The following ROCK2 variants were observed in gnomAD, a reference collection of about 807,000 sequenced individuals.
ROCK2 encodes the protein Rho associated coiled-coil containing protein kinase 2, also known as rho-associated protein kinase 2.
A neutral mutation model predicts 195.1 loss-of-function variants in ROCK2; 61 were observed. The observed-to-expected ratio is 0.31, with a 90% CI of 0.25 to 0.39. The LOEUF is 0.39. ROCK2 is among the 10% of genes least tolerant of loss of function. The probability of loss-of-function intolerance (pLI) is 1.00; values close to 1 mark genes in which losing one functional copy is unlikely to be tolerated. For synonymous variants in ROCK2, 504 were observed against 545.5 expected, an observed-to-expected ratio of 0.92 and a Z score of 1.06; for missense variants, 1,109 against 1,637.4, an observed-to-expected ratio of 0.68 and a Z score of 5.57.
intron 4 of ROCK2, among the ~76,000 whole-genome samples, chr2:11,240,608 C>CAGAG (rs1275220638): frequency 6.6e-6 from 1 of 152,166 alleles, no homozygotes; most frequent in Non-Finnish European, 1.5e-5. Flanking sequence ...GCCTGGGGCT[C>CAGAG]AGAGGGTAAT....
chr2:11,202,036 T>C lies in ROCK2; in HGVS notation c.2619+16A>G, dbSNP rs746376959. ...ACTCTGTTTGCTATTTGCAAATTAA[T>C]GTGTCTTGAACTTACTGAGAAATAC... On this transcript the variant is annotated intron_variant, in intron 21 of 32. Transcript: ENST00000315872. 3.4e-5 allele frequency: 54 copies of C among 1,602,992 alleles called. No individual in the cohort carries two copies. The Admixed American group carries it at 3.7e-4, about 11-fold the overall frequency.
At chr2:11,240,050 T>A (rs1279536690) in intron 4 of ROCK2, among the ~76,000 whole-genome samples, 2 of 152,194 alleles carry the variant, frequency 1.3e-5, no homozygotes, top group South Asian at 4.1e-4. Flanking sequence ...AGAACATCAA[T>A]GTGTTCACCA....
Position 11,197,161 on chromosome 2 carries a change from G to T in ROCK2, c.3448+19C>A. 1 of 1,564,856 alleles carries T rather than the reference G, an allele frequency of 6.4e-7. No individual in the cohort carries two copies. Among genetic ancestry groups the T allele is most frequent in the Non-Finnish European group, 8.7e-7 (1 of 1,153,780 alleles). ...ATTTATATTTAAGATAAATATTAGT[G>T]CTGAAAACAAATCCATACCTGGAAA... On this transcript the variant is annotated intron_variant, in intron 27 of 32. Transcript: ENST00000315872. This position sits in a 1 kb window ranked among gnomAD's most constrained non-coding sequence, Gnocchi z 4.9.
At chr2:11,210,785 A>G (rs2148058755) in intron 18 of ROCK2, among the ~76,000 whole-genome samples, 1 of 152,342 alleles carries the variant, frequency 6.6e-6, no homozygotes, top group South Asian at 2.1e-4. Flanking sequence ...ACAAGGAAAT[A>G]TGGCCCAGTA....
At chr2:11,207,262 A>G (rs1006669336) in intron 20 of ROCK2, among the ~76,000 whole-genome samples, 1 of 152,190 alleles carries the variant, frequency 6.6e-6, no homozygotes, top group African/African-American at 2.4e-5. Flanking sequence ...TAATATTTTT[A>G]AAGTATTTTA....
intron 1 of ROCK2, among the ~76,000 whole-genome samples, chr2:11,310,435 C>A (rs1667996197): frequency 6.6e-6 from 1 of 152,096 alleles, no homozygotes; most frequent in Non-Finnish European, 1.5e-5. Context: ...AAAGATATTG[C>A]CACATTATTG....
In ROCK2 at chr2:11,257,007, CA is replaced by C. The variant is rs1416150676; in HGVS notation, c.325-7210del. Among the ~76,000 whole-genome samples, 3 of 151,388 alleles carry C rather than the reference CA, an allele frequency of 2.0e-5. 1 individual carries two copies. The highest frequency in any genetic ancestry group is 7.4e-5 in the African/African-American group (3 of 40,690). On this transcript the variant is annotated intron_variant, in intron 3 of 32. Coordinates refer to ENST00000315872, the MANE Select transcript of ROCK2 (RefSeq NM_004850.5). ...TAGGGACTCTCAGTATTTGATAGAA[CA>C]AGCAAACAAAACATCAGTATGGATA... is the stretch of plus-strand genomic sequence containing the variant.
chr2:11,315,979 G>C (rs1238889220), intron 1 of ROCK2, among the ~76,000 whole-genome samples: 1 of 152,080 alleles, frequency 6.6e-6, no homozygotes, highest in African/African-American at 2.4e-5. Flanking sequence ...CACAACTGAG[G>C]AACGGAATTT....
At chr2:11,319,265 C>A (rs1668326159) in intron 1 of ROCK2, among the ~76,000 whole-genome samples, 1 of 152,134 alleles carries the variant, frequency 6.6e-6, no homozygotes, top group Admixed American at 6.5e-5. Context: ...TTGCTTGTAT[C>A]CTCTTTTATT....
chr2:11,291,037 G>A (rs1667347348), intron 1 of ROCK2, among the ~76,000 whole-genome samples: 1 of 152,090 alleles, frequency 6.6e-6, no homozygotes, highest in Non-Finnish European at 1.5e-5. Context: ...GAGAAAGGCA[G>A]GGAGAAAAAT....
rs763376800 is a variant in ROCK2 at position 11,214,390 on chromosome 2, T to C, written c.2010A>G (p.Arg670=). The change falls in exon 17 of 33, where the codon AGA becomes AGG. Residue 670 remains arginine, a synonymous_variant. Transcript: ENST00000315872. ...ILLAKVELEK[R]QLQERFTDLE... is the part of the protein sequence containing the mutation. ...AATCAGTAAATCTCTCCTGAAGTTG[T>C]CTCTTCTCCAGTTCTACTTTCGCTA... 3.8e-5 allele frequency: 61 copies of C among 1,604,378 alleles called. No individual in the cohort carries two copies. Among genetic ancestry groups the C allele is most frequent in the Non-Finnish European group, 5.0e-5 (59 of 1,172,154 alleles).
At chr2:11,299,725 TTTTCTTCTTC>T (rs1050253786) in intron 1 of ROCK2, among the ~76,000 whole-genome samples, 4 of 152,188 alleles carry the variant, frequency 2.6e-5, no homozygotes, top group African/African-American at 9.7e-5. Context: ...CACGCTTCTC[TTTTCTTCTTC>T]TAACTACATT....
At chr2:11,262,498 T>C (rs1666263057) in intron 3 of ROCK2, among the ~76,000 whole-genome samples, 1 of 152,118 alleles carries the variant, frequency 6.6e-6, no homozygotes, top group African/African-American at 2.4e-5. Context: ...AGGGACCCAG[T>C]GGGAGGTAAC....
At chr2:11,244,275 G>A (rs1317013500) in intron 4 of ROCK2, among the ~76,000 whole-genome samples, 1 of 151,876 alleles carries the variant, frequency 6.6e-6, no homozygotes, top group East Asian at 1.9e-4. Flanking sequence ...TGCCTCTTAG[G>A]TTGCAAAGCC....
At chr2:11,215,810 A>C (rs1376070948) in intron 13 of ROCK2, among the ~76,000 whole-genome samples, 165 bp from the exon 14 acceptor site, 1 of 152,142 alleles carries the variant, frequency 6.6e-6, no homozygotes, top group Non-Finnish European at 1.5e-5. Flanking sequence ...CTAGCACACT[A>C]CTCTTAAATC....
chr2:11,344,018 G>A lies in ROCK2; in HGVS notation c.119C>T (p.Pro40Leu). ...TACCAGCAAGCTCTCCACGTTGATGGGGGAGCGAGGGTCTCGGATCAGCGC... is the reference window on the plus strand; with the variant it reads ...TACCAGCAAGCTCTCCACGTTGATGAGGGAGCGAGGGTCTCGGATCAGCGC... ...LEALIRDPRS[P>L]INVESLLDGL... The change falls in exon 1 of 33, where the codon CCC becomes CTC. Residue 40 changes from proline to leucine, a missense_variant. By Grantham distance (98) the Pro-to-Leu change is moderately conservative. Around this residue, in one of 6 missense-constraint regions of ROCK2, gnomAD observed 64 missense variants for 62.4 expected, o/e 1.03. Coordinates refer to ENST00000315872, the MANE Select transcript of ROCK2 (RefSeq NM_004850.5). This position sits in a 1 kb window ranked among gnomAD's most constrained non-coding sequence, Gnocchi z 5.4. 1 of 1,590,234 alleles carries A rather than the reference G, an allele frequency of 6.3e-7. No individual in the cohort carries two copies. The highest frequency in any genetic ancestry group is 8.6e-7 in the Non-Finnish European group (1 of 1,169,452).
intron 20 of ROCK2, among the ~76,000 whole-genome samples, chr2:11,204,194 A>T (rs1663964249): frequency 1.3e-5 from 2 of 151,948 alleles, no homozygotes. Context: ...TAAGTTTTAG[A>T]TATTATTTGC....
intron 3 of ROCK2, among the ~76,000 whole-genome samples, chr2:11,256,117 T>C (rs1205122163): frequency 6.6e-6 from 1 of 150,956 alleles, no homozygotes; most frequent in East Asian, 1.9e-4. Context: ...TTAATAAACA[T>C]AAATTATAAA....
At chr2:11,337,745 T>C (rs1260296603) in intron 1 of ROCK2, among the ~76,000 whole-genome samples, 1 of 152,064 alleles carries the variant, frequency 6.6e-6, no homozygotes, top group African/African-American at 2.4e-5. Flanking sequence ...GTGATTCTCT[T>C]GCCTCAGCCT....
Sources: allele counts gnomAD v4.1 joint callset (sites outside exome capture counted in the v4.1 genomes callset), GRCh38; gene constraint gnomAD v4.1.1; regional missense constraint gnomAD v4.1.1; non-coding constraint Gnocchi (gnomAD v3.1); transcripts MANE v1.5; gene names NCBI Gene and HGNC (gene_info 2026-07-23, HGNC 2026-07-21).